YOD1: variants seen among roughly 807,000 people sequenced by gnomAD.
YOD1 encodes the protein ubiquitin thioesterase OTU1.
A neutral mutation model predicts 23.7 loss-of-function variants in YOD1; 17 were observed. The observed-to-expected ratio is 0.72, with a 90% confidence interval of 0.49 to 1.07. The LOEUF is 1.07. Among genes scored for constraint, YOD1 ranks in the 50% least tolerant of loss-of-function variants. The pLI, the probability that YOD1 is intolerant of heterozygous loss-of-function variation, is 0.00. For missense variants in YOD1, 413 were observed against 447.2 expected (o/e 0.92, Z 0.69); for synonymous variants, 191 against 169.6 (o/e 1.13, Z -0.98).
upstream of YOD1, chr1:207,052,289 T>A: frequency 6.7e-7 from 1 of 1,503,418 alleles, no homozygotes; most frequent in Non-Finnish European, 9.2e-7. Flanking sequence ...TTTTCCTCCT[T>A]GGTTCTTCAA....
intron 1 of YOD1, 81 bp from the exon 2 acceptor site, chr1:207,049,804 C>T (rs778430703): frequency 1.6e-5 from 21 of 1,324,702 alleles, no homozygotes; most frequent in Non-Finnish European, 2.2e-5. Flanking sequence ...CTGTAAATTA[C>T]AAACTGAAGG....
At chr1:207,052,348 G>A, upstream of YOD1, 1 of 884,230 alleles carries the variant, frequency 1.1e-6, no homozygotes, top group Admixed American at 2.1e-5. Flanking sequence ...AGGTAGGAGG[G>A]AAGGTAGGAG....
chr1:207,052,905 G>A (rs1682793406), upstream of YOD1: 1 of 152,232 alleles, frequency 6.6e-6, no homozygotes, highest in Admixed American at 6.5e-5. Context: ...TGGGATTCAG[G>A]AATGAGAGCG....
Position 207,051,120 on chromosome 1 carries a change from G to A in YOD1, c.-90C>T, listed in dbSNP as rs1001052639. ...TAGCAAGCGCGAACTCTTTTAAAGT[G>A]ACAACTGATTTTTCCCCCACCCTCA... is the stretch of plus-strand genomic sequence containing the variant. On this transcript the variant is annotated 5_prime_UTR_variant, in exon 1 of 2. Coordinates refer to ENST00000315927, the MANE Select transcript of YOD1 (RefSeq NM_018566.4). 5.6e-6 allele frequency: 8 copies of A among 1,422,608 alleles called. No individual in the cohort carries two copies. Among genetic ancestry groups the A allele is most frequent in the Admixed American group, 3.0e-5 (1 of 33,472 alleles). 88.1% of individuals were successfully genotyped at this position (1,422,608 alleles called of 1,614,324 possible).
rs1682741657 is a variant in YOD1 at position 207,051,122 on chromosome 1, C to T, written c.-92G>A. On this transcript the variant is annotated 5_prime_UTR_variant, in exon 1 of 2. Coordinates refer to ENST00000315927, the MANE Select transcript of YOD1 (RefSeq NM_018566.4). ...GCAAGCGCGAACTCTTTTAAAGTGA[C>T]AACTGATTTTTCCCCCACCCTCAGA... is the stretch of plus-strand genomic sequence containing the variant. The T allele has an allele frequency of 7.0e-7, 1 of 1,422,900 alleles. No homozygotes were observed. Among genetic ancestry groups the T allele is most frequent in the East Asian group, 2.6e-5 (1 of 38,510 alleles). The allele number at this position is 1,422,900 out of a possible 1,614,324, so 88.1% of individuals were successfully genotyped here.
In YOD1 at chr1:207,051,063, G is replaced by A. The variant is rs1440403945; in HGVS notation, c.-33C>T. The A allele has an allele frequency of 2.0e-6, 3 of 1,471,902 alleles. No homozygotes were observed. The highest frequency in any genetic ancestry group is 2.5e-5 in the East Asian group (1 of 40,146). 91.2% of individuals were successfully genotyped at this position (1,471,902 alleles called of 1,614,324 possible). Reference sequence around the variant, plus strand: ...AGTTGCGGGTGGTTGCAGTTATCGCGACGCTTCGGTGCGGCTTCTGCCTTA... The same window carrying A: ...AGTTGCGGGTGGTTGCAGTTATCGCAACGCTTCGGTGCGGCTTCTGCCTTA... On this transcript the variant is annotated 5_prime_UTR_variant, in exon 1 of 2. Transcript: ENST00000315927.
rs1213440533 is a variant in YOD1, at chr1:207,049,518, T to G, written c.549A>C (p.Arg183Ser). ...VLNPACAPEM[R>S]RLIAQIVASD... ...TTGCTACAATTTGTGCTATGAGGCG[T>G]CTCATCTCAGGGGCACAAGCTGGAT... The change falls in exon 2 of 2, where the codon AGA (arginine) becomes AGC (serine). Residue 183 changes from arginine (R) to serine (S), a missense_variant. Transcript: ENST00000315927. 6.2e-7 allele frequency: 1 copy of G among 1,614,200 alleles called. No homozygotes were observed. The highest frequency in any genetic ancestry group is 8.5e-7 in the Non-Finnish European group (1 of 1,180,038).
chr1:207,048,689 C>T lies in YOD1; in HGVS notation c.*331G>A, dbSNP rs150777774. 8.2e-4 allele frequency: 194 copies of T among 236,384 alleles called. 1 individual carries two copies. The East Asian group carries it at 0.016, about 19-fold the overall frequency. 14.6% of individuals were successfully genotyped at this position (236,384 alleles called of 1,614,324 possible). A position where few individuals can be genotyped will look rare whatever the true frequency, so the allele number is the denominator to read the frequency against. Reference sequence around the variant, plus strand: ...CTTCCACATTACCCAAAATGTGATGCTTTCTTCTACAAGTTAAAGCTGCTG... The same window carrying T: ...CTTCCACATTACCCAAAATGTGATGTTTTCTTCTACAAGTTAAAGCTGCTG... On this transcript the variant is annotated 3_prime_UTR_variant, in exon 2 of 2. Coordinates refer to ENST00000315927, the MANE Select transcript of YOD1 (RefSeq NM_018566.4).
rs576800385 is a variant in YOD1 at position 207,050,882 on chromosome 1, C to T, written c.149G>A (p.Arg50His). 7.5e-6 allele frequency: 12 copies of T among 1,606,812 alleles called. No individual in the cohort carries two copies. Among genetic ancestry groups the T allele is most frequent in the Non-Finnish European group, 9.3e-6 (11 of 1,177,028 alleles). The change falls in exon 1 of 2, where the codon CGC becomes CAC. Residue 50 changes from arginine to histidine, a missense_variant. Coordinates refer to ENST00000315927, the MANE Select transcript of YOD1 (RefSeq NM_018566.4). ...ATGGGTGCCGTCCTTGGCCTTGCAG[C>T]GGAGCCGCCACATCGTGTCGGTCCG... ...GSRTDTMWRLRCKAKDGTHVL... is the reference protein window; with the variant it reads ...GSRTDTMWRLHCKAKDGTHVL...
Position 207,049,192 on chromosome 1 carries a change from A to G in YOD1, c.875T>C (p.Ile292Thr), listed in dbSNP as rs1682671104. 5 of 1,614,108 alleles carry G rather than the reference A, an allele frequency of 3.1e-6. No homozygotes were observed. In the South Asian group the frequency reaches 3.3e-5, roughly 11 times the overall value. ...TAATTCCAGTGCTTGTACAAGAACA[A>G]TATCATCATTAGAGGAGAAAATGGT... ...PLTIFSSNDD[I>T]VLVQALELAD... Residue 292 changes from isoleucine (I) to threonine (T), a missense_variant, in exon 2 of 2, where the codon ATT becomes ACT. By Grantham distance (89) the Ile-to-Thr change is moderately conservative. Transcript: ENST00000315927.
chr1:207,049,150 C>G lies in YOD1; in HGVS notation c.917G>C (p.Arg306Thr). The stretch of plus-strand genomic sequence containing the variant: ...GTTGACATCAGTAAACTGTCTCCTT[C>G]TTCTAGCTTCATCTGCTAATTCCAG... ...QALELADEAR[R>T]RRQFTDVNRF... The change falls in exon 2 of 2, where the codon AGA (arginine) becomes ACA (threonine). Residue 306 changes from arginine to threonine, a missense_variant. Transcript: ENST00000315927. The G allele has an allele frequency of 6.2e-7, 1 of 1,614,082 alleles. No individual in the cohort carries two copies. Among genetic ancestry groups the G allele is most frequent in the Non-Finnish European group, 8.5e-7 (1 of 1,180,010 alleles).
At position 207,049,016 on chromosome 1, in the gene YOD1, T is replaced by C. The variant is rs769025171; in HGVS notation, c.*4A>G. On this transcript the variant is annotated 3_prime_UTR_variant, in exon 2 of 2. Coordinates refer to ENST00000315927, the MANE Select transcript of YOD1 (RefSeq NM_018566.4). ...GTAGGCTTCAACCCTCATTCATGCA[T>C]AGGTCACACTTCTCCAAAGTTGGTA... The C allele has an allele frequency of 4.6e-5, 74 of 1,611,532 alleles. No individual in the cohort carries two copies. In the Admixed American group the frequency reaches 6.5e-4, roughly 14 times the overall value.
In YOD1 at chr1:207,045,493, A is replaced by C; in HGVS notation, c.*3527T>G. 1 of 152,440 alleles carries C rather than the reference A, an allele frequency of 6.6e-6. No homozygotes were observed. The highest frequency in any genetic ancestry group is 1.9e-4 in the East Asian group (1 of 5,200). The allele number at this position is 152,440 out of a possible 1,614,324, so 9.4% of individuals were successfully genotyped here. ...TTAGATCCCTAGAGGGCCAACATGT[A>C]AACTTTTATTCCATATATATTTTTT... is the stretch of plus-strand genomic sequence containing the variant. On this transcript the variant is annotated 3_prime_UTR_variant, in exon 2 of 2. Transcript: ENST00000315927.
Position 207,044,749 on chromosome 1 carries a change from T to G in YOD1, c.*4271A>C, listed in dbSNP as rs1206062143. On this transcript the variant is annotated 3_prime_UTR_variant, in exon 2 of 2. Transcript: ENST00000315927. The stretch of plus-strand genomic sequence containing the variant: ...TTAAAAATGTTTGGAAAAGGGTAAT[T>G]CATGACTAGGAATGCATCTATTTGA... The G allele has an allele frequency of 6.6e-6, 1 of 152,484 alleles. No individual in the cohort carries two copies. Among genetic ancestry groups the G allele is most frequent in the Admixed American group, 6.5e-5 (1 of 15,274 alleles). The allele number at this position is 152,484 out of a possible 1,614,324, so 9.4% of individuals were successfully genotyped here. A position where few individuals can be genotyped will look rare whatever the true frequency, so the allele number is the denominator to read the frequency against.
In YOD1 at chr1:207,045,121, T is replaced by TA. The variant is rs1446366977; in HGVS notation, c.*3898_*3899insT. The TA allele has an allele frequency of 5.2e-5, 8 of 152,492 alleles. No homozygotes were observed. Among genetic ancestry groups the TA allele is most frequent in the Admixed American group, 5.2e-4 (8 of 15,272 alleles). The allele number at this position is 152,492 out of a possible 1,614,324, so 9.4% of individuals were successfully genotyped here. On this transcript the variant is annotated 3_prime_UTR_variant, in exon 2 of 2. Coordinates refer to ENST00000315927, the MANE Select transcript of YOD1 (RefSeq NM_018566.4). ...ACTTTGGACTTAAAATGATGCCACT[T>TA]GTATATGACACGTTTAAGGCCTCTG...
chr1:207,050,865 C>T lies in YOD1; in HGVS notation c.166G>A (p.Gly56Ser). Residue 56 changes from glycine (G) to serine (S), a missense_variant, in exon 1 of 2, where the codon GGC becomes AGC. Physicochemically the swap from Gly to Ser is moderately conservative, Grantham distance 56 (BLOSUM62 0). Coordinates refer to ENST00000315927, the MANE Select transcript of YOD1 (RefSeq NM_018566.4). The stretch of plus-strand genomic sequence containing the variant: ...GACAGCCCCTGCAAAACATGGGTGC[C>T]GTCCTTGGCCTTGCAGCGGAGCCGC... ...MWRLRCKAKD[G>S]THVLQGLSSR... 6.2e-7 allele frequency: 1 copy of T among 1,611,426 alleles called. No individual in the cohort carries two copies. The highest frequency in any genetic ancestry group is 8.5e-7 in the Non-Finnish European group (1 of 1,179,142).
chr1:207,048,942 G>A lies in YOD1; in HGVS notation c.*78C>T. 1 of 1,313,546 alleles carries A rather than the reference G, an allele frequency of 7.6e-7. No homozygotes were observed. The highest frequency in any genetic ancestry group is 1.1e-6 in the Non-Finnish European group (1 of 948,134). 81.4% of individuals were successfully genotyped at this position (1,313,546 alleles called of 1,614,324 possible). ...AGCATTGTATCCTTTGTTCTTTAGG[G>A]TTACCATAGCTTATTGGAAAACCCA... On this transcript the variant is annotated 3_prime_UTR_variant, in exon 2 of 2. Transcript: ENST00000315927.
In YOD1 at chr1:207,045,987, C is replaced by T. The variant is rs376087738; in HGVS notation, c.*3033G>A. On this transcript the variant is annotated 3_prime_UTR_variant, in exon 2 of 2. Transcript: ENST00000315927. ...TGAACCATTAGCAAAAGATGGAACA[C>T]ACTAATGTCTTCACTTGGCTAACAC... 30 of 152,150 alleles carry T rather than the reference C, an allele frequency of 2.0e-4. 1 individual carries two copies. Among genetic ancestry groups the T allele is most frequent in the African/African-American group, 6.5e-4 (27 of 41,542 alleles). The allele number at this position is 152,150 out of a possible 1,614,324, so 9.4% of individuals were successfully genotyped here.
chr1:207,048,910 T>C lies in YOD1; in HGVS notation c.*110A>G, dbSNP rs1682663038. 1 of 991,094 alleles carries C rather than the reference T, an allele frequency of 1.0e-6. No homozygotes were observed. The highest frequency in any genetic ancestry group is 1.6e-5 in the African/African-American group (1 of 61,684). The allele number at this position is 991,094 out of a possible 1,614,324, so 61.4% of individuals were successfully genotyped here. ...TCTTAGTGGTTTTAAGTTAAAAGGA[T>C]GGTTCAAGCATTGTATCCTTTGTTC... On this transcript the variant is annotated 3_prime_UTR_variant, in exon 2 of 2. Transcript: ENST00000315927.
Sources: gnomAD v4.1 joint callset for allele counts on GRCh38, gnomAD v4.1.1 for gene constraint, MANE v1.5 for transcripts, NCBI Gene and HGNC (gene_info 2026-07-23, HGNC 2026-07-21) for gene names.